Variants in CCDC90B observed in about 807,000 individuals in gnomAD.
CCDC90B encodes coiled-coil domain-containing protein 90B, mitochondrial.
Under a neutral mutation model 37.0 loss-of-function variants are expected in CCDC90B, and 24 were observed. The ratio of observed to expected loss-of-function variants is 0.65; its 90% CI spans 0.47 to 0.91. The LOEUF is 0.91. Among genes scored for constraint, CCDC90B ranks in the 40% least tolerant of loss-of-function variants. CCDC90B has a pLI of 0.00. For missense variants in CCDC90B, 319 were observed against 299.0 expected (o/e 1.07, Z -0.49); for synonymous variants, 113 against 101.1 (o/e 1.12, Z -0.71).
rs1289507627 is a variant in CCDC90B, at chr11:83,259,603, A to AAAC, written c.*2305_*2307dup. 1 of 152,224 alleles carries AAAC rather than the reference A, an allele frequency of 6.6e-6. No individual in the cohort carries two copies. The highest frequency in any genetic ancestry group is 2.4e-5 in the African/African-American group (1 of 41,456). 9.4% of individuals were successfully genotyped at this position (152,224 alleles called of 1,614,324 possible). ...AATATAACTAAGATGAAGAATGAAT[A>AAAC]AACTAATATAGAGGCCTAAAAAACA... On this transcript the variant is annotated 3_prime_UTR_variant, in exon 9 of 9. Transcript: ENST00000529689.
chr11:83,276,238 T>A (rs1865018714), intron 3 of CCDC90B, among the ~76,000 whole-genome samples: 2 of 152,178 alleles, frequency 1.3e-5, no homozygotes, highest in Non-Finnish European at 2.9e-5. Context: ...AATATCACTA[T>A]AAAGGAATTA....
At position 83,260,710 on chromosome 11, in the gene CCDC90B, G is replaced by C. The variant is rs985368245; in HGVS notation, c.*1201C>G. ...CTCAAAATGTTTACTTTCTGGTCTT[G>C]TCTTCTTGATCTGGGTAAGACTGAA... On this transcript the variant is annotated 3_prime_UTR_variant, in exon 9 of 9. Transcript: ENST00000529689. The C allele has an allele frequency of 2.6e-5, 4 of 152,124 alleles. No homozygotes were observed. Among genetic ancestry groups the C allele is most frequent in the African/African-American group, 9.7e-5 (4 of 41,446 alleles). The allele number at this position is 152,124 out of a possible 1,614,324, so 9.4% of individuals were successfully genotyped here.
intron 3 of CCDC90B, among the ~76,000 whole-genome samples, chr11:83,276,428 G>C (rs1158364224): frequency 6.6e-6 from 1 of 152,142 alleles, no homozygotes; most frequent in Non-Finnish European, 1.5e-5. Context: ...TCTCACTGCA[G>C]CCTCCACTTC....
At chr11:83,285,284 T>G (rs1279978879) in intron 1 of CCDC90B, 2 of 1,264,912 alleles carry the variant, frequency 1.6e-6, no homozygotes, top group Non-Finnish European at 1.0e-6. Flanking sequence ...GAAACATTTC[T>G]CTGAATAAAG....
In CCDC90B at chr11:83,270,770, CTACTT is replaced by C. The variant is rs796930790; in HGVS notation, c.594+2872_594+2876del. On this transcript the variant is annotated intron_variant, in intron 7 of 8. Transcript: ENST00000529689. ...ACTTTCTTCACAGAATTGGAAAAAACTACTTTAAAGTTCATATGGAACCAAAAAAG... is the reference window on the plus strand; with the variant it reads ...ACTTTCTTCACAGAATTGGAAAAAACTAAAGTTCATATGGAACCAAAAAAG... 2.5e-4 allele frequency among the ~76,000 whole-genome samples: 38 copies of C among 152,312 alleles called. No homozygotes were observed. The South Asian group carries it at 6.0e-3, about 24-fold the overall frequency.
At position 83,285,886 on chromosome 11, in the gene CCDC90B, C is replaced by G. The variant is rs745791216; in HGVS notation, c.87G>C (p.Pro29=). Residue 29 remains proline, a synonymous_variant, in exon 1 of 9, where the codon CCG becomes CCC. Transcript: ENST00000529689. ...GCCTTGCCTCACCTCTCCGCAGGGC[C>G]GGCGAGAAATGCCCGCGGGGCCTTG... is the stretch of plus-strand genomic sequence containing the variant. ...WVSRPRGHFS[P]ALRREFFTTT... The G allele has an allele frequency of 1.2e-6, 2 of 1,612,592 alleles. No individual in the cohort carries two copies. Among genetic ancestry groups the G allele is most frequent in the Non-Finnish European group, 1.7e-6 (2 of 1,179,808 alleles).
chr11:83,262,805 A>G (rs1864003627), intron 8 of CCDC90B, among the ~76,000 whole-genome samples: 2 of 152,188 alleles, frequency 1.3e-5, no homozygotes, highest in African/African-American at 4.8e-5. Context: ...AGTTTTAAGA[A>G]ATGGGATTAG....
intron 1 of CCDC90B, chr11:83,285,372 T>TC: frequency 8.5e-7 from 1 of 1,170,276 alleles, no homozygotes; most frequent in South Asian, 1.7e-5. Flanking sequence ...TCACTTATTT[T>TC]CCCAAAGTCT....
intron 3 of CCDC90B, 36 bp from the exon 4 acceptor site, chr11:83,274,776 A>G (rs1388615554): frequency 7.8e-7 from 1 of 1,277,466 alleles, no homozygotes; most frequent in African/African-American, 1.5e-5. Context: ...AGTGATCTAT[A>G]GAAAGCCATC....
Position 83,261,931 on chromosome 11 carries a change from A to G in CCDC90B, c.745T>C (p.Phe249Leu). The change falls in exon 9 of 9, where the codon TTT (phenylalanine) becomes CTT (leucine). Residue 249 changes from phenylalanine (F) to leucine (L), a missense_variant. Phe to Leu is a conservative substitution (Grantham distance 22). Coordinates refer to ENST00000529689, the MANE Select transcript of CCDC90B (RefSeq NM_021825.5). The part of the protein sequence containing the change: ...VFTCLAIALG[F>L]YRFWK ...TAATACTACTTCCAGAATCTATAAA[A>G]TCCCAATGCTATTGCCAGGCAAGTA... The G allele has an allele frequency of 6.2e-7, 1 of 1,605,048 alleles. No homozygotes were observed. The highest frequency in any genetic ancestry group is 2.3e-5 in the East Asian group (1 of 44,314).
intron 7 of CCDC90B, among the ~76,000 whole-genome samples, chr11:83,270,392 G>A (rs957078780): frequency 6.6e-6 from 1 of 152,160 alleles, no homozygotes; most frequent in Admixed American, 6.5e-5. Context: ...GATTGTATAT[G>A]TAGAAAACCC....
At chr11:83,264,524 A>G (rs1259793799) in intron 8 of CCDC90B, among the ~76,000 whole-genome samples, 1 of 151,858 alleles carries the variant, frequency 6.6e-6, no homozygotes, top group African/African-American at 2.4e-5. Context: ...ATTGGCCCCC[A>G]CTCTCTTCTG....
intron 7 of CCDC90B, chr11:83,273,184 G>C (rs1345083536): frequency 6.6e-6 from 1 of 151,664 alleles, no homozygotes; most frequent in African/African-American, 2.4e-5. Context: ...ACTGAACCTA[G>C]GCACTCATTT....
chr11:83,274,373 A>G (rs1382393049), intron 4 of CCDC90B: 1 of 271,052 alleles, frequency 3.7e-6, no homozygotes, highest in Non-Finnish European at 6.8e-6. Flanking sequence ...TTATATACAA[A>G]TTTTATATAT....
At chr11:83,285,131 C>A in intron 1 of CCDC90B, 2 of 1,258,936 alleles carry the variant, frequency 1.6e-6, no homozygotes, top group South Asian at 1.3e-5. Flanking sequence ...GCGTACCTGG[C>A]ACTGAAGATT....
At position 83,260,939 on chromosome 11, in the gene CCDC90B, A is replaced by G. The variant is rs1177823093; in HGVS notation, c.*972T>C. On this transcript the variant is annotated 3_prime_UTR_variant, in exon 9 of 9. Transcript: ENST00000529689. ...AGAAAAGCTTTGTTTTATGTAATAAATTTAAGATGGGTTAACTTAAACTAC... is the reference window on the plus strand; with the variant it reads ...AGAAAAGCTTTGTTTTATGTAATAAGTTTAAGATGGGTTAACTTAAACTAC... 1 of 152,222 alleles carries G rather than the reference A, an allele frequency of 6.6e-6. No individual in the cohort carries two copies. The highest frequency in any genetic ancestry group is 1.5e-5 in the Non-Finnish European group (1 of 68,044). 9.4% of individuals were successfully genotyped at this position (152,222 alleles called of 1,614,324 possible). A position where few individuals can be genotyped will look rare whatever the true frequency, so the allele number is the denominator to read the frequency against.
chr11:83,284,862 G>A (rs682579), intron 1 of CCDC90B, among the ~76,000 whole-genome samples: 106,528 of 152,116 alleles, frequency 0.7, 37,871 homozygotes, highest in Middle Eastern at 0.84. Context: ...TGACTTCCTG[G>A]AGTTCAAAAG....
intron 2 of CCDC90B, 57 bp from the exon 3 acceptor site, chr11:83,278,886 A>G (rs1045560811): frequency 1.1e-6 from 1 of 908,458 alleles, no homozygotes; most frequent in Non-Finnish European, 1.8e-6. Context: ...TTATCAAAAT[A>G]GACAGCAAGA....
Position 83,272,228 on chromosome 11 carries a change from A to G in CCDC90B, c.594+1419T>C, listed in dbSNP as rs562354. Among the ~76,000 whole-genome samples, 13 of 152,336 alleles carry G rather than the reference A, an allele frequency of 8.5e-5. No homozygotes were observed. In the East Asian group the frequency reaches 2.5e-3, roughly 29 times the overall value. ...TCAAACTTGCACGTTGTGCACATGT[A>G]CCCTAGAACTTAAAGTATTAAAAAA... On this transcript the variant is annotated intron_variant, in intron 7 of 8. Transcript: ENST00000529689.
Sources: gnomAD v4.1 joint callset for allele counts (sites outside exome capture counted in the v4.1 genomes callset) on GRCh38, gnomAD v4.1.1 for gene constraint, MANE v1.5 for transcripts, NCBI Gene and HGNC (gene_info 2026-07-23, HGNC 2026-07-21) for gene names.